Variants in EBF2 observed in about 807,000 individuals in gnomAD.
The protein encoded by EBF2 is transcription factor COE2.
In EBF2, 21 loss-of-function variants were observed where a neutral mutation model predicts 72.8. That is an observed-to-expected ratio of 0.29 (90% CI 0.20 to 0.42). EBF2 has a LOEUF of 0.42. Ranked by LOEUF, EBF2 falls within the 10% of genes least tolerant of loss-of-function variation. The pLI, the probability that EBF2 is intolerant of heterozygous loss-of-function variation, is 1.00. For missense variants in EBF2, 637 were observed against 731.2 expected, an observed-to-expected ratio of 0.87 and a Z score of 1.49; for synonymous variants, 299 against 274.2, an observed-to-expected ratio of 1.09 and a Z score of -0.89.
intron 6 of EBF2, among the ~76,000 whole-genome samples, chr8:26,010,311 C>T (rs544601980): frequency 6.6e-6 from 1 of 152,338 alleles, no homozygotes; most frequent in East Asian, 1.9e-4. Context: ...CTAGTGGCTG[C>T]TCACTGCTCC....
At chr8:26,038,731 C>G (rs1032234305) in intron 5 of EBF2, among the ~76,000 whole-genome samples, 19 of 152,224 alleles carry the variant, frequency 1.2e-4, no homozygotes, top group African/African-American at 4.6e-4. Flanking sequence ...AATGCCTTCC[C>G]CCCAGCTACT....
chr8:25,926,033 C>T (rs1803380353), intron 6 of EBF2, among the ~76,000 whole-genome samples: 1 of 152,102 alleles, frequency 6.6e-6, no homozygotes, highest in South Asian at 2.1e-4. Flanking sequence ...TCCCTCAGCC[C>T]CCAAGTCCCA....
At chr8:26,019,701 C>G (rs11135909) in intron 6 of EBF2, among the ~76,000 whole-genome samples, 1 of 151,906 alleles carries the variant, frequency 6.6e-6, no homozygotes, top group Non-Finnish European at 1.5e-5. Context: ...TCACCAACAG[C>G]TCTTTCTCTC....
At chr8:26,013,772 G>T (rs934734879) in intron 6 of EBF2, among the ~76,000 whole-genome samples, 4 of 151,770 alleles carry the variant, frequency 2.6e-5, no homozygotes, top group Admixed American at 6.6e-5. Flanking sequence ...AAACCTTGTC[G>T]ATATGAAATC....
intron 6 of EBF2, among the ~76,000 whole-genome samples, chr8:25,943,311 CAAAAAAAA>C (rs71551840): frequency 1.7e-5 from 1 of 59,158 alleles, no homozygotes; most frequent in African/African-American, 4.5e-5. Context: ...TGTCTCTACA[CAAAAAAAA>C]AAAAAAAAAA....
intron 7 of EBF2, among the ~76,000 whole-genome samples, chr8:25,900,533 C>A (rs140280170): frequency 6.6e-6 from 1 of 152,102 alleles, no homozygotes. Flanking sequence ...AAGGATGACA[C>A]GACCTGCACA....
chr8:25,929,807 A>T (rs1235190144), intron 6 of EBF2, among the ~76,000 whole-genome samples: 1 of 152,088 alleles, frequency 6.6e-6, no homozygotes, highest in Non-Finnish European at 1.5e-5. Context: ...GGCCTGGCAC[A>T]GATCCGGGTA....
chr8:25,965,334 G>C (rs1804098144), intron 6 of EBF2, among the ~76,000 whole-genome samples: 1 of 152,138 alleles, frequency 6.6e-6, no homozygotes, highest in South Asian at 2.1e-4. Context: ...AACATTAAAA[G>C]CGCTCACTCA....
At chr8:25,913,410 CAACCTGGTGACA>C (rs1205210310) in intron 6 of EBF2, among the ~76,000 whole-genome samples, 1 of 151,966 alleles carries the variant, frequency 6.6e-6, no homozygotes, top group African/African-American at 2.4e-5. Context: ...CACTGCACTC[CAACCTGGTGACA>C]AAGTGAGACC....
chr8:25,961,616 C>T (rs1214099605), intron 6 of EBF2, among the ~76,000 whole-genome samples: 1 of 152,178 alleles, frequency 6.6e-6, no homozygotes, highest in Non-Finnish European at 1.5e-5. Context: ...CCACCTCGGC[C>T]TCCCAAAGTG....
intron 6 of EBF2, among the ~76,000 whole-genome samples, chr8:26,004,473 G>C (rs1371605641): frequency 6.6e-6 from 1 of 151,908 alleles, no homozygotes; most frequent in Non-Finnish European, 1.5e-5. Context: ...TCAGGAGTTC[G>C]AGACCAGCCT....
chr8:25,913,301 C>T (rs181061656), intron 6 of EBF2, among the ~76,000 whole-genome samples: 6 of 151,998 alleles, frequency 3.9e-5, no homozygotes, highest in Admixed American at 6.6e-5. Context: ...ATCAGCTGGG[C>T]GTGGTGGCAT....
At chr8:25,905,178 T>C (rs2117309813) in intron 7 of EBF2, among the ~76,000 whole-genome samples, 1 of 152,268 alleles carries the variant, frequency 6.6e-6, no homozygotes, top group South Asian at 2.1e-4. Flanking sequence ...GACTAGAATT[T>C]TTTTAAAACA....
intron 6 of EBF2, among the ~76,000 whole-genome samples, chr8:25,997,298 T>C (rs915681655): frequency 2.0e-5 from 3 of 152,190 alleles, no homozygotes; most frequent in African/African-American, 7.2e-5. Context: ...AGGCCAGGCA[T>C]TGTGGCTCAC....
intron 6 of EBF2, among the ~76,000 whole-genome samples, chr8:25,921,294 T>G (rs900338401): frequency 3.9e-5 from 6 of 152,206 alleles, no homozygotes; most frequent in Non-Finnish European, 7.3e-5. Flanking sequence ...TCAGCCGACT[T>G]TCATTAGAAT....
At position 26,026,664 on chromosome 8, in the gene EBF2, C is replaced by T. The variant is rs1349067201; in HGVS notation, c.551+6421G>A. Among the ~76,000 whole-genome samples the T allele has an allele frequency of 2.6e-5, 4 of 152,200 alleles. 1 individual carries two copies. In the East Asian group the frequency reaches 7.7e-4, roughly 29 times the overall value. On this transcript the variant is annotated intron_variant, in intron 6 of 15. Transcript: ENST00000520164. The stretch of plus-strand genomic sequence containing the variant: ...TAAATGCTACTTCAGGGGCCAACAG[C>T]ACCCACTCCTTCCACAATAACAGAT...
At chr8:25,899,932 C>T (rs1246902547) in intron 7 of EBF2, among the ~76,000 whole-genome samples, 1 of 152,192 alleles carries the variant, frequency 6.6e-6, no homozygotes, top group Non-Finnish European at 1.5e-5. Context: ...TCTTTCTGCC[C>T]TTGGTTCCCT....
chr8:25,985,001 A>G (rs910787517), intron 6 of EBF2, among the ~76,000 whole-genome samples: 5 of 152,106 alleles, frequency 3.3e-5, no homozygotes, highest in Admixed American at 2.0e-4. Flanking sequence ...TTCTGTCTCC[A>G]GAAGATCTTA....
chr8:25,864,161 G>T (rs978915567), intron 10 of EBF2, among the ~76,000 whole-genome samples: 1 of 152,072 alleles, frequency 6.6e-6, no homozygotes, highest in African/African-American at 2.4e-5. Context: ...CAAAAATTAT[G>T]ATTTATATTT....
Sources: allele counts gnomAD v4.1 joint callset (sites outside exome capture counted in the v4.1 genomes callset), GRCh38; gene constraint gnomAD v4.1.1; transcripts MANE v1.5; gene names NCBI Gene and HGNC (gene_info 2026-07-23, HGNC 2026-07-21).